SLC12A9: variants seen among roughly 807,000 people sequenced by gnomAD.
The protein encoded by SLC12A9 is solute carrier family 12 member 9, also known as CCC-interacting protein 1.
SLC12A9 carries 55 observed loss-of-function variants against 66.0 expected under a neutral mutation model. That is an observed-to-expected ratio of 0.83 (90% CI 0.67 to 1.04). The LOEUF (loss-of-function observed/expected upper bound fraction) is 1.04. SLC12A9 is among the 50% of genes least tolerant of loss of function. The probability of loss-of-function intolerance (pLI) is 0.00; values close to 1 mark genes in which losing one functional copy is unlikely to be tolerated. For synonymous variants in SLC12A9, 577 were observed against 569.0 expected (o/e 1.01, Z -0.20); for missense variants, 1,061 against 1,241.9 (o/e 0.85, Z 2.19).
intron 13 of SLC12A9, among the ~76,000 whole-genome samples, chr7:100,863,767 C>T (rs1317759085): frequency 2.0e-5 from 3 of 152,186 alleles, no homozygotes; most frequent in Admixed American, 6.5e-5. Context: ...GACCAGTGCC[C>T]GTCACCAAAG....
At chr7:100,848,739 A>G (rs190375332), upstream of SLC12A9, among the ~76,000 whole-genome samples, 1 of 151,598 alleles carries the variant, frequency 6.6e-6, no homozygotes, top group Non-Finnish European at 1.5e-5. Flanking sequence ...ACAAAAAATT[A>G]GCCGTGCGTG....
chr7:100,835,028 C>T lies in SLC12A9; in HGVS notation n.228+7981C>T, dbSNP rs1813621617. On this transcript the variant is annotated intron_variant and non_coding_transcript_variant, in intron 1 of 1. Coordinates refer to the SLC12A9 transcript ENST00000461016. ...CAGCCTGGGCAACAGAGTGAGACCC[C>T]GTTTCAACAAAAAAAATTAAAATAA... is the stretch of plus-strand genomic sequence containing the variant. Among the ~76,000 whole-genome samples the T allele has an allele frequency of 2.0e-5, 3 of 151,770 alleles. No homozygotes were observed. In the South Asian group the frequency reaches 6.2e-4, roughly 32 times the overall value.
chr7:100,863,062 C>CTTT (rs759001347), intron 13 of SLC12A9, among the ~76,000 whole-genome samples: 11 of 136,496 alleles, frequency 8.1e-5, no homozygotes, highest in South Asian at 2.4e-4. Context: ...TTTCCTTCTT[C>CTTT]TTTTTTTTTT....
intron 7 of SLC12A9, chr7:100,859,424 T>G: frequency 2.1e-6 from 1 of 486,316 alleles, no homozygotes; most frequent in Non-Finnish European, 3.7e-6. Flanking sequence ...CATATACCAT[T>G]AGGTATGACA....
At chr7:100,843,977 C>T (rs1354590789) in intron 1 of SLC12A9, among the ~76,000 whole-genome samples, 1 of 152,166 alleles carries the variant, frequency 6.6e-6, no homozygotes, top group African/African-American at 2.4e-5. Context: ...TTCGCCAGCC[C>T]CTGCAAAGTG....
rs780475643 is a variant in SLC12A9, at chr7:100,856,978, G to A, written c.559G>A (p.Gly187Ser). ...GGGTGGGGTCTGCACCCTGGGAGCC[G>A]GCCTCTATGCCCGGGCCTCATTCCT... ...LVGGVCTLGA[G>S]LYARASFLTF... Residue 187 changes from glycine (G) to serine (S), a missense_variant, in exon 5 of 14, where the codon GGC (glycine) becomes AGC (serine). Physicochemically the swap from Gly to Ser is moderately conservative, Grantham distance 56 (BLOSUM62 0). Transcript: ENST00000354161. 67 of 1,613,848 alleles carry A rather than the reference G, an allele frequency of 4.2e-5. 1 individual carries two copies. The highest frequency in any genetic ancestry group is 3.0e-4 in the South Asian group (27 of 91,092).
intron 5 of SLC12A9, 58 bp from the exon 6 acceptor site, chr7:100,858,777 G>A (rs2116613229): frequency 1.3e-6 from 2 of 1,554,390 alleles, no homozygotes; most frequent in East Asian, 4.5e-5. Context: ...GTGGCTAAGA[G>A]GCCTGGATCC....
upstream of SLC12A9, among the ~76,000 whole-genome samples, chr7:100,852,026 G>A (rs1181485517): frequency 6.6e-6 from 1 of 152,188 alleles, no homozygotes; most frequent in African/African-American, 2.4e-5. Flanking sequence ...ATGAGGACGC[G>A]TTGGCAGGTG....
chr7:100,832,474 C>G (rs1477017683), intron 1 of SLC12A9, among the ~76,000 whole-genome samples: 1 of 152,030 alleles, frequency 6.6e-6, no homozygotes. Context: ...GATGGCACCA[C>G]TGCACTCCAA....
intron 13 of SLC12A9, among the ~76,000 whole-genome samples, chr7:100,864,601 C>T (rs1161191620): frequency 6.6e-6 from 1 of 152,120 alleles, no homozygotes; most frequent in African/African-American, 2.4e-5. Context: ...TCAGCAGGGA[C>T]TTGGAGCATT....
chr7:100,850,953 C>T (rs1372917573), upstream of SLC12A9, among the ~76,000 whole-genome samples: 4 of 151,992 alleles, frequency 2.6e-5, no homozygotes, highest in East Asian at 1.9e-4. Flanking sequence ...CTCCTGACCT[C>T]GTGATCCACC....
intron 5 of SLC12A9, 135 bp downstream of exon 5, chr7:100,857,311 C>A: frequency 1.0e-6 from 1 of 970,422 alleles, no homozygotes; most frequent in Non-Finnish European, 1.5e-6. Flanking sequence ...CAGAGCAGTG[C>A]AATTTAATTC....
At chr7:100,851,819 G>A (rs1430370451), upstream of SLC12A9, among the ~76,000 whole-genome samples, 6 of 141,922 alleles carry the variant, frequency 4.2e-5, no homozygotes, top group African/African-American at 1.3e-4. Context: ...AAATGTATCT[G>A]AAACTTTCCA....
chr7:100,846,427 C>T (rs948311924), intron 1 of SLC12A9, among the ~76,000 whole-genome samples: 15 of 152,044 alleles, frequency 9.9e-5, no homozygotes, highest in African/African-American at 3.4e-4. Context: ...ATGAGCCGGG[C>T]GTGGTGGCGG....
rs1562999912 is a variant in SLC12A9 at position 100,866,418 on chromosome 7, CGGGTGGGCCGGA to C, written c.2566_2577del (p.Pro856_Gly859del). On this transcript the variant is annotated inframe_deletion, in exon 14 of 14. Transcript: ENST00000354161. The surrounding 1 kb of genome is among the most constrained non-coding windows in gnomAD (Gnocchi z 7.3). Reference sequence around the variant, plus strand: ...CAGGGGCGCGGCACAGGAGGAGGGCCGGGTGGGCCGGAGGGTGGGGATGCTGAGGGCCCCATC... The same window carrying C: ...CAGGGGCGCGGCACAGGAGGAGGGCCGGGTGGGGATGCTGAGGGCCCCATC... 6.5e-7 allele frequency: 1 copy of C among 1,544,564 alleles called. No homozygotes were observed. The highest frequency in any genetic ancestry group is 2.0e-5 in the Admixed American group (1 of 50,590).
rs768113044 is a variant in SLC12A9 at position 100,861,067 on chromosome 7, T to G, written c.1219-71T>G. The G allele has an allele frequency of 1.2e-6, 2 of 1,611,524 alleles. No individual in the cohort carries two copies. Among genetic ancestry groups the G allele is most frequent in the Middle Eastern group, 1.7e-4 (1 of 6,060 alleles). On this transcript the variant is annotated intron_variant, in intron 9 of 13. Transcript: ENST00000354161. The surrounding 1 kb of genome is among the most constrained non-coding windows in gnomAD (Gnocchi z 5.3). ...CACTTTGGGGTACACTGGCATTCTT[T>G]GGTGTTCACTGGCATTTTGGGGGTG...
chr7:100,835,947 C>T (rs1215638362), intron 1 of SLC12A9, among the ~76,000 whole-genome samples: 1 of 152,150 alleles, frequency 6.6e-6, no homozygotes, highest in East Asian at 1.9e-4. Context: ...GAGCTAAGAA[C>T]GACTGTTCAG....
At chr7:100,832,970 C>G (rs1813571018) in intron 1 of SLC12A9, among the ~76,000 whole-genome samples, 1 of 152,068 alleles carries the variant, frequency 6.6e-6, no homozygotes. Context: ...CAGACAGGGT[C>G]TCACTATGTT....
At chr7:100,862,922 C>T (rs1814849790) in intron 13 of SLC12A9, 95 bp downstream of exon 13, 5 of 1,471,738 alleles carry the variant, frequency 3.4e-6, no homozygotes, top group Non-Finnish European at 3.7e-6. Flanking sequence ...AGATTGCAAA[C>T]TGCAAAAGGA....
Sources: allele counts gnomAD v4.1 joint callset (sites outside exome capture counted in the v4.1 genomes callset), GRCh38; gene constraint gnomAD v4.1.1; non-coding constraint Gnocchi (gnomAD v3.1); transcripts MANE v1.5; gene names NCBI Gene and HGNC (gene_info 2026-07-23, HGNC 2026-07-21).